Variants in MARCHF1 observed in about 807,000 individuals in gnomAD.
MARCHF1 encodes the protein membrane associated ring-CH-type finger 1, also known as E3 ubiquitin-protein ligase MARCHF1.
MARCHF1 carries 40 observed loss-of-function variants against 54.2 expected under a neutral mutation model. The observed-to-expected ratio is 0.74, with a 90% CI of 0.57 to 0.96. The LOEUF is 0.96. Among genes scored for constraint, MARCHF1 ranks in the 40% least tolerant of loss-of-function variants. The probability of loss-of-function intolerance (pLI) is 0.00; values close to 1 mark genes in which losing one functional copy is unlikely to be tolerated. For missense variants in MARCHF1, 586 were observed against 656.5 expected, an observed-to-expected ratio of 0.89 and a Z score of 1.17; for synonymous variants, 236 against 236.3, an observed-to-expected ratio of 1.00 and a Z score of 0.01.
chr4:163,873,050 A>ACAAAC (rs372688493), intron 3 of MARCHF1, among the ~76,000 whole-genome samples: 5 of 150,524 alleles, frequency 3.3e-5, no homozygotes, highest in Admixed American at 6.6e-5. Context: ...TCTCAAAAAA[A>ACAAAC]AAACAAACAA....
chr4:163,872,008 A>G (rs1437877772), intron 3 of MARCHF1, among the ~76,000 whole-genome samples: 1 of 152,228 alleles, frequency 6.6e-6, no homozygotes, highest in African/African-American at 2.4e-5. Flanking sequence ...AAGTATTTAA[A>G]TTGAAGAAGC....
At chr4:163,865,410 T>C (rs546517894) in intron 3 of MARCHF1, among the ~76,000 whole-genome samples, 2 of 152,032 alleles carry the variant, frequency 1.3e-5, no homozygotes, top group African/African-American at 4.8e-5. Flanking sequence ...AAGTTCTGAT[T>C]GTAATAACTT....
intron 1 of MARCHF1, among the ~76,000 whole-genome samples, chr4:164,118,232 T>C (rs923710827): frequency 9.9e-5 from 15 of 151,620 alleles, no homozygotes. Flanking sequence ...AACTTGTACT[T>C]TGGAAAACAG....
At chr4:163,556,145 C>T (rs879413654) in intron 8 of MARCHF1, among the ~76,000 whole-genome samples, 5 of 151,900 alleles carry the variant, frequency 3.3e-5, no homozygotes, top group Non-Finnish European at 7.4e-5. Flanking sequence ...CACAATGTAT[C>T]GGACATTGTT....
At chr4:164,020,572 G>T (rs1753641558) in intron 2 of MARCHF1, among the ~76,000 whole-genome samples, 1 of 152,150 alleles carries the variant, frequency 6.6e-6, no homozygotes. Flanking sequence ...TTCTCCAGAG[G>T]GAGTTTTGGC....
At chr4:164,085,170 C>T (rs919469235) in intron 2 of MARCHF1, among the ~76,000 whole-genome samples, 6 of 151,732 alleles carry the variant, frequency 4.0e-5, no homozygotes, top group Non-Finnish European at 8.9e-5. Context: ...AATTGAAAGG[C>T]TTTCTGTGTA....
rs1160283583 is a variant in MARCHF1, at chr4:163,575,690, A to AT, written c.1191+10058dup. Among the ~76,000 whole-genome samples the AT allele has an allele frequency of 2.1e-3, 300 of 145,358 alleles. 1 individual carries two copies. Among genetic ancestry groups the AT allele is most frequent in the African/African-American group, 6.1e-3 (244 of 39,996 alleles). The stretch of plus-strand genomic sequence containing the variant: ...ATCCATCTGGTTTGGGGCTTTTTAA[A>AT]TTTTTTTTTTTTATTACTGATTCAA... On this transcript the variant is annotated intron_variant, in intron 8 of 9. Coordinates refer to ENST00000514618, the MANE Select transcript of MARCHF1 (RefSeq NM_001394959.1).
chr4:163,569,385 C>T (rs181412531), intron 8 of MARCHF1, among the ~76,000 whole-genome samples: 1,843 of 152,094 alleles, frequency 0.012, 33 homozygotes, highest in African/African-American at 0.041. Context: ...GATTAAACAG[C>T]GTTGAAAACC....
intron 1 of MARCHF1, among the ~76,000 whole-genome samples, chr4:164,226,200 A>C (rs1029827830): frequency 3.9e-5 from 6 of 152,080 alleles, no homozygotes; most frequent in African/African-American, 1.2e-4. Flanking sequence ...ACAAATAGCC[A>C]AATTTCAAAC....
At chr4:163,720,894 G>A (rs963958251) in intron 4 of MARCHF1, among the ~76,000 whole-genome samples, 4 of 152,218 alleles carry the variant, frequency 2.6e-5, no homozygotes, top group Non-Finnish European at 5.9e-5. Context: ...CTGAGACTTT[G>A]CTGAAGTTGC....
chr4:164,107,116 A>AT (rs1755722822), intron 2 of MARCHF1, among the ~76,000 whole-genome samples: 2 of 152,184 alleles, frequency 1.3e-5, no homozygotes, highest in South Asian at 4.1e-4. Context: ...ATACAAAGCT[A>AT]TGTGCTAAAA....
intron 1 of MARCHF1, among the ~76,000 whole-genome samples, chr4:164,159,949 T>C (rs572905772): frequency 6.6e-6 from 1 of 152,154 alleles, no homozygotes; most frequent in Non-Finnish European, 1.5e-5. Context: ...ACCTATAAAA[T>C]GTCTTTAGAA....
intron 3 of MARCHF1, among the ~76,000 whole-genome samples, chr4:163,931,968 A>T (rs1194079105): frequency 6.6e-6 from 1 of 152,208 alleles, no homozygotes; most frequent in Admixed American, 6.5e-5. Context: ...AATAAAGCTA[A>T]TATTGCAATA....
At chr4:163,734,620 G>A (rs1745980646) in intron 4 of MARCHF1, among the ~76,000 whole-genome samples, 1 of 151,444 alleles carries the variant, frequency 6.6e-6, no homozygotes, top group African/African-American at 2.4e-5. Context: ...TTCTAGAACA[G>A]TCAAACTAAT....
intron 3 of MARCHF1, among the ~76,000 whole-genome samples, chr4:163,914,917 C>A (rs949530613): frequency 1.3e-5 from 2 of 152,060 alleles, no homozygotes; most frequent in African/African-American, 4.8e-5. Flanking sequence ...CTTCGAGCTG[C>A]CGTGTTTTAT....
chr4:163,911,137 T>C (rs1208447014), intron 3 of MARCHF1, among the ~76,000 whole-genome samples: 1 of 152,172 alleles, frequency 6.6e-6, no homozygotes. Context: ...GTGTATTGCA[T>C]GATGCTGTGG....
At chr4:163,980,049 G>A (rs1248617888) in intron 3 of MARCHF1, among the ~76,000 whole-genome samples, 10 of 150,548 alleles carry the variant, frequency 6.6e-5, no homozygotes, top group Non-Finnish European at 8.9e-5. Context: ...AAAAGAGCCC[G>A]CATCGCCAAG....
At chr4:164,173,572 G>A (rs1325783102) in intron 1 of MARCHF1, among the ~76,000 whole-genome samples, 1 of 152,136 alleles carries the variant, frequency 6.6e-6, no homozygotes. Flanking sequence ...TTGGGTCATG[G>A]GGGTAAATGA....
intron 1 of MARCHF1, among the ~76,000 whole-genome samples, chr4:164,354,382 G>A (rs1356394295): frequency 9.5e-5 from 13 of 136,876 alleles, no homozygotes; most frequent in East Asian, 2.2e-4. Context: ...CTGGAAAACC[G>A]AATCCAGCAG....
Sources: gnomAD v4.1 joint callset for allele counts (sites outside exome capture counted in the v4.1 genomes callset) on GRCh38, gnomAD v4.1.1 for gene constraint, MANE v1.5 for transcripts, NCBI Gene and HGNC (gene_info 2026-07-23, HGNC 2026-07-21) for gene names.